Variants in COL22A1 observed in about 807,000 individuals in gnomAD.
COL22A1 encodes the protein collagen alpha-1(XXII) chain.
In COL22A1, 221 loss-of-function variants were observed where a neutral mutation model predicts 248.9. The observed-to-expected ratio is 0.89, with a 90% CI of 0.80 to 0.99. The LOEUF is 0.99. Ranked by LOEUF, COL22A1 falls within the 50% of genes least tolerant of loss-of-function variation. The probability of loss-of-function intolerance (pLI) is 0.00; values close to 1 mark genes in which losing one functional copy is unlikely to be tolerated. For missense variants in COL22A1, 2,240 were observed against 2,179.0 expected, an observed-to-expected ratio of 1.03 and a Z score of -0.56; for synonymous variants, 891 against 793.4, an observed-to-expected ratio of 1.12 and a Z score of -2.07.
At chr8:138,626,112 A>T in intron 51 of COL22A1, 78 bp downstream of exon 51, 1 of 1,122,492 alleles carries the variant, frequency 8.9e-7, no homozygotes, top group East Asian at 2.4e-5. Flanking sequence ...TTGACAGTGG[A>T]ATATATTTTT....
Position 138,588,376 on chromosome 8 carries a change from A to T in COL22A1, c.*877T>A, listed in dbSNP as rs1373555156. On this transcript the variant is annotated 3_prime_UTR_variant, in exon 65 of 65. Coordinates refer to ENST00000303045, the MANE Select transcript of COL22A1 (RefSeq NM_152888.3). The stretch of plus-strand genomic sequence containing the variant: ...CCCAGCTCTGGTCAGTGCCCTGGCC[A>T]ACTGCCCATCATTAGGGAAACACAA... The T allele has an allele frequency of 2.6e-5, 4 of 152,202 alleles. No individual in the cohort carries two copies. The highest frequency in any genetic ancestry group is 7.2e-5 in the African/African-American group (3 of 41,460). The allele number at this position is 152,202 out of a possible 1,614,324, so 9.4% of individuals were successfully genotyped here.
Position 138,716,826 on chromosome 8 carries a change from T to G in COL22A1, c.2399A>C (p.Lys800Thr), listed in dbSNP as rs780196638. 5.0e-6 allele frequency: 8 copies of G among 1,607,936 alleles called. No individual in the cohort carries two copies. In the East Asian group the frequency reaches 1.8e-4, roughly 36 times the overall value. The change falls in exon 28 of 65, where the codon AAG becomes ACG. Residue 800 changes from lysine (K) to threonine (T), a missense_variant and splice_region_variant. By Grantham distance (78) the Lys-to-Thr change is moderately conservative. Coordinates refer to ENST00000303045, the MANE Select transcript of COL22A1 (RefSeq NM_152888.3). ...EQGLAGRPGE[K>T]GEAGLPGAPG... is the part of the protein sequence containing the mutation. The stretch of plus-strand genomic sequence containing the variant: ...GAATAAAAGCACAAACAAACAGACC[T>G]TCTCTCCAGGTCGGCCTGCCAGGCC...
chr8:138,631,803 C>A (rs1820742448), intron 49 of COL22A1, among the ~76,000 whole-genome samples: 2 of 152,298 alleles, frequency 1.3e-5, no homozygotes, highest in African/African-American at 4.8e-5. Context: ...TTCCTCATCC[C>A]TGCCCTGGGG....
intron 6 of COL22A1, among the ~76,000 whole-genome samples, chr8:138,821,632 G>C (rs1819143023): frequency 6.6e-6 from 1 of 152,126 alleles, no homozygotes; most frequent in Non-Finnish European, 1.5e-5. Context: ...TGTCTACCTT[G>C]CAGGCTGTTC....
chr8:138,652,628 A>C (rs1283910475), intron 45 of COL22A1, among the ~76,000 whole-genome samples: 2 of 152,000 alleles, frequency 1.3e-5, no homozygotes, highest in African/African-American at 4.8e-5. Flanking sequence ...TAATGCATAC[A>C]AAGTGCCTAG....
At chr8:138,700,678 C>T (rs1341625195) in intron 31 of COL22A1, among the ~76,000 whole-genome samples, 1 of 152,290 alleles carries the variant, frequency 6.6e-6, no homozygotes, top group African/African-American at 2.4e-5. Flanking sequence ...CCTGGCCACC[C>T]CCACCTAGGC....
At chr8:138,612,928 T>C (rs1587673156) in intron 56 of COL22A1, among the ~76,000 whole-genome samples, 1 of 79,498 alleles carries the variant, frequency 1.3e-5, no homozygotes, top group Non-Finnish European at 2.2e-5. Flanking sequence ...ACAGCAGGAC[T>C]CCATCTCAAA....
chr8:138,590,779 A>G (rs1170831023), intron 64 of COL22A1, among the ~76,000 whole-genome samples: 1 of 152,188 alleles, frequency 6.6e-6, no homozygotes, highest in African/African-American at 2.4e-5. Flanking sequence ...TTATTGCTGC[A>G]TTGCAGAGAT....
chr8:138,907,080 G>A (rs1420815194), intron 1 of COL22A1, among the ~76,000 whole-genome samples: 6 of 152,252 alleles, frequency 3.9e-5, no homozygotes. Context: ...GGAGGGGCCA[G>A]GAATGGAGGC....
At chr8:138,692,201 TGTTTGTGGAGGTGTATGTGTGCAC>T (rs1191287299) in intron 35 of COL22A1, among the ~76,000 whole-genome samples, 4 of 151,836 alleles carry the variant, frequency 2.6e-5, no homozygotes, top group African/African-American at 9.7e-5. Flanking sequence ...CATGTGTGCA[TGTTTGTGGAGGTGTATGTGTGCAC>T]GTGCATGTGC....
chr8:138,691,025 C>T (rs1249818343), intron 35 of COL22A1, 151 bp from the exon 36 acceptor site: 1 of 580,748 alleles, frequency 1.7e-6, no homozygotes, highest in Admixed American at 3.3e-5. Flanking sequence ...AACCTCCTCT[C>T]CGGAGGGCTG....
At chr8:138,612,707 A>G (rs1466900806) in intron 56 of COL22A1, among the ~76,000 whole-genome samples, 2 of 152,036 alleles carry the variant, frequency 1.3e-5, no homozygotes, top group Non-Finnish European at 2.9e-5. Flanking sequence ...GGGGCAGATC[A>G]CTTGAGGTCA....
At chr8:138,868,652 T>C (rs1392007172) in intron 3 of COL22A1, among the ~76,000 whole-genome samples, 1 of 152,028 alleles carries the variant, frequency 6.6e-6, no homozygotes, top group Non-Finnish European at 1.5e-5. Flanking sequence ...CTCAGGGCCA[T>C]CACTGTATCA....
chr8:138,863,423 C>T (rs886095990), intron 3 of COL22A1, among the ~76,000 whole-genome samples: 1 of 152,120 alleles, frequency 6.6e-6, no homozygotes, highest in Non-Finnish European at 1.5e-5. Flanking sequence ...GTGAGGAGGG[C>T]GATGAGCTGA....
At chr8:138,711,752 T>C (rs774915377) in intron 30 of COL22A1, among the ~76,000 whole-genome samples, 3 of 151,980 alleles carry the variant, frequency 2.0e-5, no homozygotes, top group Non-Finnish European at 4.4e-5. Context: ...GGGGAGAAAG[T>C]AAACTTGGGA....
chr8:138,861,553 T>C (rs75506448), intron 3 of COL22A1, among the ~76,000 whole-genome samples: 2,557 of 152,316 alleles, frequency 0.017, 77 homozygotes, highest in African/African-American at 0.057. Context: ...GCCATCTCTG[T>C]AACACCCTCT....
At chr8:138,750,074 C>G (rs1832462892) in intron 22 of COL22A1, among the ~76,000 whole-genome samples, 2 of 152,184 alleles carry the variant, frequency 1.3e-5, no homozygotes, top group Non-Finnish European at 2.9e-5. Flanking sequence ...ACAGGAGTTT[C>G]CCTACACAAG....
intron 16 of COL22A1, among the ~76,000 whole-genome samples, chr8:138,768,154 T>C (rs577371933): frequency 6.6e-5 from 10 of 152,156 alleles, no homozygotes; most frequent in Non-Finnish European, 1.5e-4. Flanking sequence ...ATTGCCAAAG[T>C]GGTCTCCCCA....
chr8:138,691,820 TTGTGGAGGTGTGTGTA>T (rs1269115566), intron 35 of COL22A1, among the ~76,000 whole-genome samples: 4 of 86,220 alleles, frequency 4.6e-5, no homozygotes, highest in Admixed American at 1.1e-4. Flanking sequence ...GTGTGCATGT[TTGTGGAGGTGTGTGTA>T]TGTGGAGGTG....
Sources: gnomAD v4.1 joint callset for allele counts (sites outside exome capture counted in the v4.1 genomes callset) on GRCh38, gnomAD v4.1.1 for gene constraint, MANE v1.5 for transcripts, NCBI Gene and HGNC (gene_info 2026-07-23, HGNC 2026-07-21) for gene names.